Variants in CAB39 observed in about 807,000 individuals in gnomAD.
CAB39 encodes calcium binding protein 39, also known as calcium-binding protein 39.
Under a neutral mutation model 40.0 loss-of-function variants are expected in CAB39, and 8 were observed. The observed-to-expected ratio is 0.20, with a 90% confidence interval of 0.12 to 0.36. The LOEUF (loss-of-function observed/expected upper bound fraction) is 0.36, where lower values mean the gene tolerates loss of function less well. Ranked by LOEUF, CAB39 falls within the 10% of genes least tolerant of loss-of-function variation. The pLI is 1.00. For synonymous variants in CAB39, 156 were observed against 141.6 expected, an observed-to-expected ratio of 1.10 and a Z score of -0.72; for missense variants, 270 against 401.1, an observed-to-expected ratio of 0.67 and a Z score of 2.79.
chr2:230,796,515 C>T (rs369737358), intron 4 of CAB39, among the ~76,000 whole-genome samples: 1 of 152,074 alleles, frequency 6.6e-6, no homozygotes, highest in Non-Finnish European at 1.5e-5. Context: ...ACTGTCTTAC[C>T]CTTGTCTTTC....
chr2:230,719,717 C>A (rs1162946846), intron 1 of CAB39, among the ~76,000 whole-genome samples: 2 of 152,162 alleles, frequency 1.3e-5, no homozygotes, highest in African/African-American at 2.4e-5. Flanking sequence ...CAAGTAACTC[C>A]ATCTCTCTGG....
At chr2:230,816,045 G>C (rs1369680265) in intron 7 of CAB39, among the ~76,000 whole-genome samples, 1 of 152,174 alleles carries the variant, frequency 6.6e-6, no homozygotes, top group Non-Finnish European at 1.5e-5. Flanking sequence ...AGGCCAAGGT[G>C]GGTGGATGGA....
intron 2 of CAB39, 97 bp from the exon 3 acceptor site, chr2:230,790,775 T>A (rs1559612023): frequency 9.9e-7 from 1 of 1,010,434 alleles, no homozygotes. Flanking sequence ...CATGGGTCTG[T>A]AATATAGAGA....
At chr2:230,787,017 A>AGG (rs1347688733) in intron 2 of CAB39, among the ~76,000 whole-genome samples, 1 of 152,132 alleles carries the variant, frequency 6.6e-6, no homozygotes, top group Non-Finnish European at 1.5e-5. Flanking sequence ...ATTGATACTG[A>AGG]GGGGGATTAT....
chr2:230,766,758 G>A (rs565774601), intron 2 of CAB39, among the ~76,000 whole-genome samples: 2 of 152,276 alleles, frequency 1.3e-5, no homozygotes, highest in African/African-American at 4.8e-5. Flanking sequence ...TGAACTCCCG[G>A]GCTTAAGCTT....
chr2:230,745,065 T>C (rs1311467367), intron 1 of CAB39, among the ~76,000 whole-genome samples: 2 of 152,250 alleles, frequency 1.3e-5, no homozygotes, highest in Non-Finnish European at 2.9e-5. Flanking sequence ...GAAAGCCTTT[T>C]TTAAGAGGAA....
At chr2:230,760,680 T>C (rs2124919782) in intron 2 of CAB39, among the ~76,000 whole-genome samples, 1 of 152,330 alleles carries the variant, frequency 6.6e-6, no homozygotes, top group Non-Finnish European at 1.5e-5. Flanking sequence ...CTGGTTTTCT[T>C]CCTGTATTCA....
At chr2:230,720,906 C>T (rs1694438848) in intron 1 of CAB39, among the ~76,000 whole-genome samples, 2 of 152,270 alleles carry the variant, frequency 1.3e-5, no homozygotes, top group South Asian at 2.1e-4. Context: ...TTTTGGCTCC[C>T]ATCTCTCTAG....
At chr2:230,772,964 C>CA (rs1695511582) in intron 2 of CAB39, among the ~76,000 whole-genome samples, 1 of 117,756 alleles carries the variant, frequency 8.5e-6, no homozygotes. Context: ...ATCCATGTAA[C>CA]AGAGTACTAC....
intron 2 of CAB39, among the ~76,000 whole-genome samples, chr2:230,761,388 A>G (rs1354828910): frequency 1.3e-5 from 2 of 152,198 alleles, no homozygotes. Flanking sequence ...AACTGTAAAA[A>G]ATATGACATA....
At chr2:230,742,579 C>G (rs1319432926) in intron 1 of CAB39, among the ~76,000 whole-genome samples, 1 of 144,224 alleles carries the variant, frequency 6.9e-6, no homozygotes, top group Admixed American at 6.9e-5. Context: ...AAAAAAAAAT[C>G]TAAACAGCCA....
chr2:230,772,508 G>A (rs1160513487), intron 2 of CAB39, among the ~76,000 whole-genome samples: 6 of 145,674 alleles, frequency 4.1e-5, no homozygotes, highest in East Asian at 2.0e-4. Context: ...TTTTTGAGAC[G>A]AAGTCTCACT....
chr2:230,803,825 A>C (rs1470323665), intron 5 of CAB39, among the ~76,000 whole-genome samples: 2 of 152,252 alleles, frequency 1.3e-5, no homozygotes, highest in African/African-American at 4.8e-5. Context: ...CATACTGCCC[A>C]AGGTAATTTA....
intron 2 of CAB39, among the ~76,000 whole-genome samples, chr2:230,766,828 G>A (rs990643221): frequency 6.6e-6 from 1 of 152,212 alleles, no homozygotes; most frequent in African/African-American, 2.4e-5. Context: ...TGCCTGGCCT[G>A]GGGGTTACAT....
chr2:230,807,959 TCTGACAGGGATC>T (rs1201133300), intron 5 of CAB39, among the ~76,000 whole-genome samples: 2 of 152,186 alleles, frequency 1.3e-5, no homozygotes, highest in South Asian at 2.1e-4. Flanking sequence ...AGCAACACTG[TCTGACAGGGATC>T]CTGACACTTG....
At chr2:230,792,151 A>G (rs957391554) in intron 3 of CAB39, among the ~76,000 whole-genome samples, 17 of 152,360 alleles carry the variant, frequency 1.1e-4, no homozygotes, top group African/African-American at 3.8e-4. Flanking sequence ...TAGAACTGCA[A>G]TGTTTTCATT....
At chr2:230,794,564 G>A (rs150939053) in intron 4 of CAB39, among the ~76,000 whole-genome samples, 136 of 152,210 alleles carry the variant, frequency 8.9e-4, no homozygotes, top group Non-Finnish European at 1.6e-3. Context: ...TTGTTAAATG[G>A]CATGTCAAGA....
chr2:230,798,975 A>G (rs760471397), intron 5 of CAB39, 78 bp downstream of exon 5: 9 of 1,107,096 alleles, frequency 8.1e-6, no homozygotes, highest in East Asian at 2.6e-5. Flanking sequence ...TTGCCCTCCT[A>G]AATCTACACG....
rs1289752522 is a variant in CAB39, at chr2:230,819,810, C to G, written c.*1106C>G. ...ATTTTAAATGAGTTAATGAATCTGC[C>G]AGATCTGTGAATGATAGAGATTATG... On this transcript the variant is annotated 3_prime_UTR_variant, in exon 9 of 9. Coordinates refer to ENST00000258418, the MANE Select transcript of CAB39 (RefSeq NM_016289.4). 2 of 152,360 alleles carry G rather than the reference C, an allele frequency of 1.3e-5. No homozygotes were observed. The highest frequency in any genetic ancestry group is 6.5e-5 in the Admixed American group (1 of 15,276). The allele number at this position is 152,360 out of a possible 1,614,324, so 9.4% of individuals were successfully genotyped here.
Sources: allele counts gnomAD v4.1 joint callset (sites outside exome capture counted in the v4.1 genomes callset), GRCh38; gene constraint gnomAD v4.1.1; transcripts MANE v1.5; gene names NCBI Gene and HGNC (gene_info 2026-07-23, HGNC 2026-07-21).